The following TTC39C variants were observed in gnomAD, a reference collection of about 807,000 sequenced individuals.
TTC39C encodes the protein tetratricopeptide repeat protein 39C.
In TTC39C, 33 loss-of-function variants were observed where a neutral mutation model predicts 76.3. The ratio of observed to expected loss-of-function variants is 0.43; its 90% CI spans 0.33 to 0.58. The LOEUF (loss-of-function observed/expected upper bound fraction) is 0.58, where lower values mean the gene tolerates loss of function less well. TTC39C is among the 20% of genes least tolerant of loss of function. The pLI, the probability that TTC39C is intolerant of heterozygous loss-of-function variation, is 0.04. For synonymous variants in TTC39C, 254 were observed against 260.6 expected (o/e 0.97, Z 0.24); for missense variants, 595 against 701.4 (o/e 0.85, Z 1.71).
intron 7 of TTC39C, 177 bp downstream of exon 7, chr18:24,114,824 T>G (rs2084871083): frequency 3.8e-6 from 2 of 524,600 alleles, no homozygotes. Flanking sequence ...CATTACGTTT[T>G]TATAACATTT....
intron 1 of TTC39C, among the ~76,000 whole-genome samples, chr18:24,024,012 A>ATTTTTT (rs1568409158): frequency 9.6e-4 from 6 of 6,254 alleles, no homozygotes; most frequent in Non-Finnish European, 1.4e-3. Context: ...ATATATATAT[A>ATTTTTT]TATATTTTTT....
chr18:24,024,504 T>C (rs12327263), intron 1 of TTC39C, among the ~76,000 whole-genome samples: 7,379 of 152,112 alleles, frequency 0.049, 516 homozygotes, highest in African/African-American at 0.16. Flanking sequence ...TACCCGTAAA[T>C]GTTAAGGGAA....
At chr18:24,034,798 A>G (rs1027724043) in intron 1 of TTC39C, among the ~76,000 whole-genome samples, 5 of 152,184 alleles carry the variant, frequency 3.3e-5, no homozygotes, top group African/African-American at 9.7e-5. Flanking sequence ...ATGTTATAGC[A>G]TATGTCAGAA....
At chr18:24,081,007 G>T in intron 5 of TTC39C, 68 bp downstream of exon 5, 1 of 1,393,512 alleles carries the variant, frequency 7.2e-7, no homozygotes. Context: ...GACAATCAAA[G>T]ACTTTAAAGG....
chr18:24,073,663 G>A (rs568102797), intron 4 of TTC39C, among the ~76,000 whole-genome samples: 10 of 152,160 alleles, frequency 6.6e-5, no homozygotes, highest in Admixed American at 3.9e-4. Flanking sequence ...CTACAGGCAT[G>A]TACCACCACA....
intron 1 of TTC39C, among the ~76,000 whole-genome samples, chr18:24,030,832 G>A (rs1200640557): frequency 6.6e-6 from 1 of 151,942 alleles, no homozygotes. Flanking sequence ...TTTTTTAGCC[G>A]AGACAGTTTC....
intron 1 of TTC39C, among the ~76,000 whole-genome samples, chr18:24,023,816 A>AAAT (rs768653363): frequency 0.95 from 141,879 of 149,908 alleles, 67,498 homozygotes; most frequent in East Asian, 1. Context: ...TTTTGCTAAC[A>AAAT]ATTCCCCTTT....
chr18:24,130,684 T>C (rs2085115633), intron 12 of TTC39C, among the ~76,000 whole-genome samples: 1 of 152,086 alleles, frequency 6.6e-6, no homozygotes, highest in Non-Finnish European at 1.5e-5. Flanking sequence ...AGGCAATTCC[T>C]TCCTTGTGCA....
At position 24,073,098 on chromosome 18, in the gene TTC39C, T is replaced by C. The variant is rs116369061; in HGVS notation, c.460+3827T>C. ...CAAGTGGCCCAGAAACCCAGGTTCC[T>C]TGGGACCTTCTCCCTCAGGTGCTCC... On this transcript the variant is annotated intron_variant, in intron 4 of 13. Transcript: ENST00000317571. Among the ~76,000 whole-genome samples, 477 of 152,310 alleles carry C rather than the reference T, an allele frequency of 3.1e-3. 4 individuals carry two copies. The highest frequency in any genetic ancestry group is 0.011 in the African/African-American group (460 of 41,566).
chr18:24,028,809 G>C (rs1032231544), intron 1 of TTC39C, among the ~76,000 whole-genome samples: 1 of 151,526 alleles, frequency 6.6e-6, no homozygotes, highest in Non-Finnish European at 1.5e-5. Context: ...TGCAACCTCT[G>C]CTTCCCGGGT....
intron 1 of TTC39C, among the ~76,000 whole-genome samples, chr18:24,029,829 T>G (rs1478450882): frequency 1.3e-5 from 2 of 152,266 alleles, no homozygotes; most frequent in Non-Finnish European, 2.9e-5. Context: ...TGAATGTGAT[T>G]ATTTCATTTC....
chr18:24,104,710 G>GTGTA (rs2084724817), intron 6 of TTC39C, among the ~76,000 whole-genome samples: 1 of 151,140 alleles, frequency 6.6e-6, no homozygotes, highest in Non-Finnish European at 1.5e-5. Flanking sequence ...GTGTGTGTGT[G>GTGTA]TGTGTGTGTG....
intron 12 of TTC39C, among the ~76,000 whole-genome samples, chr18:24,131,077 G>T (rs1015158176): frequency 7.1e-6 from 1 of 141,038 alleles, no homozygotes; most frequent in Admixed American, 7.2e-5. Context: ...ATAGTCAGGC[G>T]TGGCAGCATG....
chr18:24,069,757 A>G (rs544942452), intron 4 of TTC39C, among the ~76,000 whole-genome samples: 23 of 152,232 alleles, frequency 1.5e-4, no homozygotes, highest in Non-Finnish European at 2.9e-4. Flanking sequence ...TGAGGGATAT[A>G]AACTAATTTC....
At chr18:24,059,753 A>G (rs1231657311) in intron 1 of TTC39C, among the ~76,000 whole-genome samples, 1 of 152,112 alleles carries the variant, frequency 6.6e-6, no homozygotes. Context: ...GTTGAATGGT[A>G]TATTAGTTTG....
chr18:24,037,586 G>C (rs2083747066), intron 1 of TTC39C, among the ~76,000 whole-genome samples: 1 of 152,196 alleles, frequency 6.6e-6, no homozygotes. Flanking sequence ...ATCTCACCAG[G>C]AGGGTTGGGT....
intron 1 of TTC39C, chr18:24,015,331 C>G (rs1371723334): frequency 3.5e-6 from 1 of 281,750 alleles, no homozygotes; most frequent in Non-Finnish European, 6.6e-6. Context: ...CTCCCACAGA[C>G]GTGCCCGGTG....
At chr18:24,011,737 C>T (rs1238772949), upstream of TTC39C, among the ~76,000 whole-genome samples, 2 of 152,216 alleles carry the variant, frequency 1.3e-5, no homozygotes, top group East Asian at 3.8e-4. Flanking sequence ...ATACTGGCAA[C>T]ACCCACTGCA....
chr18:24,025,834 G>A (rs760594819), intron 1 of TTC39C, among the ~76,000 whole-genome samples: 1 of 152,200 alleles, frequency 6.6e-6, no homozygotes, highest in Non-Finnish European at 1.5e-5. Flanking sequence ...TGCAGACAAA[G>A]TGGGGCTGTA....
Sources: allele counts gnomAD v4.1 joint callset (sites outside exome capture counted in the v4.1 genomes callset), GRCh38; gene constraint gnomAD v4.1.1; transcripts MANE v1.5; gene names NCBI Gene and HGNC (gene_info 2026-07-23, HGNC 2026-07-21).